Variants in SLC18A1 observed in about 807,000 individuals in gnomAD.
The protein encoded by SLC18A1 is chromaffin granule amine transporter.
A neutral mutation model predicts 53.7 loss-of-function variants in SLC18A1; 69 were observed. The observed-to-expected ratio is 1.28, with a 90% CI of 1.06 to 1.57. The LOEUF is 1.57. Ranked by LOEUF, SLC18A1 falls within the 40% of genes most tolerant of loss-of-function variation. SLC18A1 has a pLI of 0.00. For missense variants in SLC18A1, 932 were observed against 668.1 expected (o/e 1.40, Z -4.35); for synonymous variants, 320 against 248.1 (o/e 1.29, Z -2.72).
Position 20,173,076 on chromosome 8 carries a change from G to T in SLC18A1, c.684C>A (p.Ala228=). The T allele has an allele frequency of 6.3e-7, 1 of 1,587,204 alleles. No homozygotes were observed. Among genetic ancestry groups the T allele is most frequent in the South Asian group, 1.2e-5 (1 of 86,940 alleles). Residue 228 remains alanine, a synonymous_variant, in exon 6 of 16, where the codon GCC becomes GCA. Transcript: ENST00000276373. ...CCAGGCCCCCCAGAGCAGTTCCCAT[G>T]GCTCGTCCTCTCTCATGGTCATCAG... The part of the protein sequence containing the change: ...VYTDDHERGR[A]MGTALGGLAL...
At chr8:20,181,631 GTTATT>G (rs1223329246) in intron 1 of SLC18A1, 1 of 152,018 alleles carries the variant, frequency 6.6e-6, no homozygotes, top group Non-Finnish European at 1.5e-5. Flanking sequence ...GTTTCAAAAA[GTTATT>G]TTATGTGGCA....
chr8:20,153,580 A>G (rs1416842063), intron 10 of SLC18A1, among the ~76,000 whole-genome samples: 1 of 152,046 alleles, frequency 6.6e-6, no homozygotes, highest in Non-Finnish European at 1.5e-5. Context: ...CAGGAGGCTG[A>G]GGCAGGAGAA....
chr8:20,145,986 G>C (rs11204098), intron 15 of SLC18A1, 110 bp from the exon 16 acceptor site: 122,335 of 516,078 alleles, frequency 0.24, 16,596 homozygotes, highest in Non-Finnish European at 0.26. Flanking sequence ...CGCAATCTCG[G>C]CTCACTGCAA....
At chr8:20,155,480 G>C (rs940517868) in intron 10 of SLC18A1, among the ~76,000 whole-genome samples, 1 of 152,162 alleles carries the variant, frequency 6.6e-6, no homozygotes, top group African/African-American at 2.4e-5. Context: ...TTTTCTTGGG[G>C]GAAGCCGAAG....
chr8:20,162,577 T>C (rs1188028689), intron 10 of SLC18A1, among the ~76,000 whole-genome samples: 2 of 152,210 alleles, frequency 1.3e-5, no homozygotes, highest in Admixed American at 1.3e-4. Context: ...TCCTAGTTTA[T>C]TGCCTCTAAG....
chr8:20,151,592 G>A (rs1369920820), intron 10 of SLC18A1, among the ~76,000 whole-genome samples: 1 of 152,154 alleles, frequency 6.6e-6, no homozygotes, highest in Non-Finnish European at 1.5e-5. Context: ...GTTACAATGT[G>A]GAGCAAATTA....
chr8:20,158,908 G>A (rs2071747119), intron 10 of SLC18A1, among the ~76,000 whole-genome samples: 1 of 152,046 alleles, frequency 6.6e-6, no homozygotes, highest in Admixed American at 6.5e-5. Flanking sequence ...TACTTGCCTG[G>A]TAAGCCTATT....
chr8:20,149,813 A>T, intron 11 of SLC18A1, 86 bp from the exon 12 acceptor site: 1 of 1,292,270 alleles, frequency 7.7e-7, no homozygotes, highest in Non-Finnish European at 1.1e-6. Flanking sequence ...GACCTGTCCC[A>T]CCAGCCCTAA....
chr8:20,149,848 G>A, intron 11 of SLC18A1, 121 bp from the exon 12 acceptor site: 2 of 834,052 alleles, frequency 2.4e-6, no homozygotes, highest in Admixed American at 2.1e-5. Flanking sequence ...TAGGACCTGA[G>A]GACAGCATCC....
At chr8:20,169,402 T>G (rs1404041111) in intron 8 of SLC18A1, among the ~76,000 whole-genome samples, 3 of 152,030 alleles carry the variant, frequency 2.0e-5, no homozygotes, top group Non-Finnish European at 4.4e-5. Context: ...CAAATTAGAC[T>G]AAAGTATTAT....
At chr8:20,181,222 A>G (rs1486617433) in intron 1 of SLC18A1, 135 bp from the exon 2 acceptor site, 1 of 325,112 alleles carries the variant, frequency 3.1e-6, no homozygotes, top group Non-Finnish European at 5.7e-6. Context: ...CCTGGTAAGC[A>G]TCGCTTACTA....
intron 15 of SLC18A1, 50 bp from the exon 16 acceptor site, chr8:20,145,926 T>A (rs2071385288): frequency 1.7e-6 from 2 of 1,173,884 alleles, no homozygotes; most frequent in Non-Finnish European, 2.4e-6. Flanking sequence ...TATCATTTTT[T>A]TTTTTTTGAG....
chr8:20,150,644 C>T (rs17092107), intron 11 of SLC18A1, 22 bp downstream of exon 11: 143,571 of 1,605,886 alleles, frequency 0.089, 7,249 homozygotes, highest in Non-Finnish European at 0.1. Flanking sequence ...TACTGTTCGT[C>T]CCAGATCCCG....
chr8:20,177,409 C>A (rs2072278193), intron 4 of SLC18A1, among the ~76,000 whole-genome samples: 1 of 152,138 alleles, frequency 6.6e-6, no homozygotes, highest in African/African-American at 2.4e-5. Context: ...AAATGAGAGG[C>A]ATGTTCTCAC....
chr8:20,151,370 A>G (rs1398501065), intron 10 of SLC18A1, among the ~76,000 whole-genome samples: 1 of 152,072 alleles, frequency 6.6e-6, no homozygotes, highest in Non-Finnish European at 1.5e-5. Flanking sequence ...CATGTATAAA[A>G]TACCCTTGAT....
In SLC18A1 at chr8:20,145,798, C is replaced by G. The variant is rs574480936; in HGVS notation, c.1543G>C (p.Glu515Gln). The change falls in exon 16 of 16, where the codon GAG (glutamate) becomes CAG (glutamine). Residue 515 changes from glutamate (E) to glutamine (Q), a missense_variant. By Grantham distance (29) the Glu-to-Gln change is conservative. Coordinates refer to ENST00000276373, the MANE Select transcript of SLC18A1 (RefSeq NM_003053.4). ...QKPTKEFPLG[E>Q]DSDEEPDHEE Reference sequence around the variant, plus strand: ...TGGTCAGGCTCCTCATCACTGTCCTCCCCCAGAGGAAATTCCTTCGTGGGC... The same window carrying G: ...TGGTCAGGCTCCTCATCACTGTCCTGCCCCAGAGGAAATTCCTTCGTGGGC... 8.7e-6 allele frequency: 14 copies of G among 1,611,994 alleles called. No individual in the cohort carries two copies. The highest frequency in any genetic ancestry group is 2.2e-5 in the East Asian group (1 of 44,780).
At position 20,179,258 on chromosome 8, in the gene SLC18A1, G is replaced by T. The variant is rs2072349006; in HGVS notation, c.351C>A (p.Ala117=). 2 of 1,614,188 alleles carry T rather than the reference G, an allele frequency of 1.2e-6. No individual in the cohort carries two copies. The highest frequency in any genetic ancestry group is 4.5e-5 in the East Asian group (2 of 44,874). Residue 117 remains alanine, a synonymous_variant, in exon 3 of 16, where the codon GCC becomes GCA. Coordinates refer to ENST00000276373, the MANE Select transcript of SLC18A1 (RefSeq NM_003053.4). ...ASTIPPPATE[A]ISAHKNNCLQ... ...AGCAGTTGTTTTTATGAGCTGAGAT[G>T]GCTTCAGTGGCTGGAGGTGGGATGG...
intron 8 of SLC18A1, among the ~76,000 whole-genome samples, chr8:20,165,617 G>A (rs911846519): frequency 6.6e-6 from 1 of 152,128 alleles, no homozygotes; most frequent in African/African-American, 2.4e-5. Flanking sequence ...AGAAGAAGCA[G>A]GGTTAAAATA....
chr8:20,164,796 A>T, intron 10 of SLC18A1, 73 bp downstream of exon 10: 2 of 1,113,806 alleles, frequency 1.8e-6, no homozygotes, highest in Non-Finnish European at 2.6e-6. Context: ...TCCCTGTGTG[A>T]CATTGAACGA....
Sources: allele counts gnomAD v4.1 joint callset (sites outside exome capture counted in the v4.1 genomes callset), GRCh38; gene constraint gnomAD v4.1.1; transcripts MANE v1.5; gene names NCBI Gene and HGNC (gene_info 2026-07-23, HGNC 2026-07-21).